MAPK10: variants seen among roughly 807,000 people sequenced by gnomAD.
The protein encoded by MAPK10 is JNK3 alpha protein kinase.
A neutral mutation model predicts 59.3 loss-of-function variants in MAPK10; 25 were observed. The observed-to-expected ratio is 0.42, with a 90% CI of 0.31 to 0.59. MAPK10 has a LOEUF of 0.59. Ranked by LOEUF, MAPK10 falls within the 20% of genes least tolerant of loss-of-function variation. MAPK10 has a pLI of 0.15. For synonymous variants in MAPK10, 190 were observed against 200.5 expected, an observed-to-expected ratio of 0.95 and a Z score of 0.44; for missense variants, 351 against 568.9, an observed-to-expected ratio of 0.62 and a Z score of 3.90.
chr4:86,189,663 T>C (rs2079164613), intron 3 of MAPK10, among the ~76,000 whole-genome samples: 1 of 152,142 alleles, frequency 6.6e-6, no homozygotes, highest in African/African-American at 2.4e-5. Context: ...GATGATGAGG[T>C]TTTCTAAATA....
chr4:86,296,723 T>G (rs999074017), intron 2 of MAPK10, among the ~76,000 whole-genome samples: 1 of 152,172 alleles, frequency 6.6e-6, no homozygotes, highest in African/African-American at 2.4e-5. Flanking sequence ...CATAGTAAAA[T>G]TCTCCTTAGA....
At chr4:86,113,037 C>A (rs961046495) in intron 4 of MAPK10, among the ~76,000 whole-genome samples, 2 of 151,862 alleles carry the variant, frequency 1.3e-5, no homozygotes, top group Non-Finnish European at 2.9e-5. Context: ...AGGATTGCAA[C>A]CCCTGCCTTT....
At chr4:86,543,194 G>A (rs1758864343) in intron 1 of MAPK10, among the ~76,000 whole-genome samples, 1 of 152,112 alleles carries the variant, frequency 6.6e-6, no homozygotes, top group South Asian at 2.1e-4. Context: ...AAAGAAGTAG[G>A]TGCATTGAGA....
intron 2 of MAPK10, among the ~76,000 whole-genome samples, chr4:86,322,723 A>G (rs1379569223): frequency 1.3e-5 from 2 of 152,170 alleles, no homozygotes; most frequent in Non-Finnish European, 1.5e-5. Context: ...CTTATTACTG[A>G]TAAGTAATAA....
chr4:86,474,655 T>C (rs1009980101), intron 1 of MAPK10, among the ~76,000 whole-genome samples: 4 of 152,160 alleles, frequency 2.6e-5, no homozygotes, highest in African/African-American at 9.7e-5. Flanking sequence ...CCAGTTTAGT[T>C]TACAAAGCTA....
chr4:86,450,358 C>T (rs1230164735), intron 1 of MAPK10, among the ~76,000 whole-genome samples: 4 of 152,150 alleles, frequency 2.6e-5, no homozygotes, highest in Non-Finnish European at 5.9e-5. Flanking sequence ...CTTAATATTT[C>T]GGCACAACTT....
At chr4:86,185,081 A>T (rs1248975684) in intron 3 of MAPK10, among the ~76,000 whole-genome samples, 1 of 152,160 alleles carries the variant, frequency 6.6e-6, no homozygotes, top group African/African-American at 2.4e-5. Context: ...ACAGATTTTA[A>T]GTTACCAACT....
At chr4:86,283,742 G>A (rs2094902946) in intron 2 of MAPK10, among the ~76,000 whole-genome samples, 1 of 151,970 alleles carries the variant, frequency 6.6e-6, no homozygotes, top group Non-Finnish European at 1.5e-5. Context: ...GCTTTGTAAA[G>A]CTAAATAGCC....
intron 5 of MAPK10, among the ~76,000 whole-genome samples, chr4:86,105,341 C>T (rs1276561066): frequency 6.6e-6 from 1 of 152,080 alleles, no homozygotes; most frequent in Non-Finnish European, 1.5e-5. Flanking sequence ...CTTCTGCATA[C>T]ATACATACAC....
chr4:86,094,915 C>T (rs533152914), intron 9 of MAPK10, among the ~76,000 whole-genome samples: 13 of 151,728 alleles, frequency 8.6e-5, no homozygotes, highest in African/African-American at 3.1e-4. Context: ...TGTTTAGTAA[C>T]ATATTTAAAT....
intron 1 of MAPK10, among the ~76,000 whole-genome samples, chr4:86,387,571 T>C (rs908147886): frequency 3.3e-5 from 5 of 152,178 alleles, no homozygotes; most frequent in African/African-American, 1.2e-4. Context: ...ACCACTTAAC[T>C]CTTAATAGCT....
chr4:86,348,283 C>T (rs750607044), intron 2 of MAPK10, among the ~76,000 whole-genome samples: 16 of 152,006 alleles, frequency 1.1e-4, no homozygotes, highest in East Asian at 1.9e-4. Flanking sequence ...GCTGCATGAC[C>T]GGTGGCACAT....
At chr4:86,141,859 T>C (rs1424079773) in intron 4 of MAPK10, among the ~76,000 whole-genome samples, 1 of 152,218 alleles carries the variant, frequency 6.6e-6, no homozygotes, top group East Asian at 1.9e-4. Flanking sequence ...ATTTAGCTCA[T>C]GGTTCTGCAG....
Position 86,256,248 on chromosome 4 carries a change from T to C in MAPK10, c.-6-61841A>G, listed in dbSNP as rs116148598. On this transcript the variant is annotated intron_variant, in intron 2 of 13. Transcript: ENST00000641462. ...GAACTAGTGCTTTCATCCCAGTGCATGATGAATGTGTCAGTAGCTTGCTCA... is the reference window on the plus strand; with the variant it reads ...GAACTAGTGCTTTCATCCCAGTGCACGATGAATGTGTCAGTAGCTTGCTCA... Among the ~76,000 whole-genome samples, 838 of 152,326 alleles carry C rather than the reference T, an allele frequency of 5.5e-3. 8 individuals are homozygous for C. The highest frequency in any genetic ancestry group is 0.019 in the African/African-American group (805 of 41,568).
chr4:86,029,112 G>T, intron 13 of MAPK10, 85 bp downstream of exon 13: 1 of 843,440 alleles, frequency 1.2e-6, no homozygotes. Flanking sequence ...TTTAAGCAAT[G>T]TTATGTTATT....
intron 2 of MAPK10, among the ~76,000 whole-genome samples, chr4:86,279,661 G>C (rs1193307875): frequency 6.6e-6 from 1 of 152,034 alleles, no homozygotes. Context: ...TTGCTCTCTT[G>C]CTGCAATGAA....
At chr4:86,494,712 G>A (rs903824083) in intron 1 of MAPK10, among the ~76,000 whole-genome samples, 1 of 151,500 alleles carries the variant, frequency 6.6e-6, no homozygotes, top group Non-Finnish European at 1.5e-5. Context: ...CCGTGGTGGC[G>A]GGTGCCTGCA....
intron 1 of MAPK10, among the ~76,000 whole-genome samples, chr4:86,435,423 G>A (rs1373000214): frequency 6.6e-6 from 1 of 150,996 alleles, no homozygotes; most frequent in Non-Finnish European, 1.5e-5. Flanking sequence ...CTTAAATCCA[G>A]GAGGCAGAGG....
chr4:86,374,524 G>A (rs1046937132), intron 1 of MAPK10, among the ~76,000 whole-genome samples: 5 of 152,156 alleles, frequency 3.3e-5, no homozygotes, highest in African/African-American at 9.7e-5. Context: ...ATGGAAAGGT[G>A]GCAGTCAGAG....
Sources: allele counts gnomAD v4.1 joint callset (sites outside exome capture counted in the v4.1 genomes callset), GRCh38; gene constraint gnomAD v4.1.1; transcripts MANE v1.5; gene names NCBI Gene and HGNC (gene_info 2026-07-23, HGNC 2026-07-21).